The following RFTN1 variants were observed in gnomAD, a reference collection of about 807,000 sequenced individuals.
The protein encoded by RFTN1 is raftlin, lipid raft linker 1.
RFTN1 carries 26 observed loss-of-function variants against 46.5 expected under a neutral mutation model. That is an observed-to-expected ratio of 0.56 (90% CI 0.41 to 0.78). The LOEUF is 0.78. Ranked by LOEUF, RFTN1 falls within the 30% of genes least tolerant of loss-of-function variation. The pLI is 0.00. For missense variants in RFTN1, 693 were observed against 718.7 expected (o/e 0.96, Z 0.41); for synonymous variants, 261 against 284.2 (o/e 0.92, Z 0.82).
In RFTN1 at chr3:16,513,252, C is replaced by G. The variant is rs982986618; in HGVS notation, c.-9+190G>C. 6.6e-6 allele frequency: 1 copy of G among 152,608 alleles called. No homozygotes were observed. The highest frequency in any genetic ancestry group is 2.4e-5 in the African/African-American group (1 of 41,482). 9.5% of individuals were successfully genotyped at this position (152,608 alleles called of 1,614,324 possible). On this transcript the variant is annotated intron_variant, in intron 1 of 9. Coordinates refer to ENST00000334133, the MANE Select transcript of RFTN1 (RefSeq NM_015150.2). The surrounding 1 kb of genome is among the most constrained non-coding windows in gnomAD (Gnocchi z 5.4). ...AAGATCCAGGCGTCCCAAGGATCAG[C>G]CCAGGTCCCCATCCGACGCGGGCCA...
rs918991500 is a variant in RFTN1 at position 16,457,698 on chromosome 3, G to A, written c.146-23661C>T. On this transcript the variant is annotated intron_variant, in intron 2 of 9. Transcript: ENST00000334133. This position sits in a 1 kb window ranked among gnomAD's most constrained non-coding sequence, Gnocchi z 4.2. The stretch of plus-strand genomic sequence containing the variant: ...ACATTACTAATTTCACAGTGGAGCA[G>A]GGAATAAGTATACACACAACTATTA... Among the ~76,000 whole-genome samples the A allele has an allele frequency of 1.1e-4, 16 of 152,102 alleles. No individual in the cohort carries two copies. The highest frequency in any genetic ancestry group is 3.4e-4 in the African/African-American group (14 of 41,410).
rs61537442 is a variant in RFTN1, at chr3:16,317,770, GC to G, written c.1333-539del. 0.24 allele frequency among the ~76,000 whole-genome samples: 35,733 copies of G among 152,028 alleles called. 5,874 individuals carry two copies. Among genetic ancestry groups the G allele is most frequent in the African/African-American group, 0.47 (19,652 of 41,384 alleles). On this transcript the variant is annotated intron_variant, in intron 9 of 9. Transcript: ENST00000334133. This position sits in a 1 kb window ranked among gnomAD's most constrained non-coding sequence, Gnocchi z 4.3. ...ACTGGCGGGCCCGCTCCCCAGCTAGGCCGATAGCCCTTTGCTGACCACCACC... is the reference window on the plus strand; with the variant it reads ...ACTGGCGGGCCCGCTCCCCAGCTAGGCGATAGCCCTTTGCTGACCACCACC...
At chr3:16,399,974 C>T (rs544913833) in intron 4 of RFTN1, among the ~76,000 whole-genome samples, 1 of 152,302 alleles carries the variant, frequency 6.6e-6, no homozygotes, top group African/African-American at 2.4e-5. Flanking sequence ...TGAAGAGTTA[C>T]TCCAACAGGG....
In RFTN1 at chr3:16,452,704, C is replaced by T. The variant is rs2075840352; in HGVS notation, c.146-18667G>A. ...GAAGGAGTGGTCAGTGTTGCCAGGC[C>T]CTTCAGTAAGATGAGGAATGGAAGA... On this transcript the variant is annotated intron_variant, in intron 2 of 9. Transcript: ENST00000334133. This position sits in a 1 kb window ranked among gnomAD's most constrained non-coding sequence, Gnocchi z 6.3. 6.6e-6 allele frequency among the ~76,000 whole-genome samples: 1 copy of T among 152,084 alleles called. No homozygotes were observed. Among genetic ancestry groups the T allele is most frequent in the South Asian group, 2.1e-4 (1 of 4,804 alleles).
chr3:16,341,256 C>A lies in RFTN1; in HGVS notation c.1147-14380G>T, dbSNP rs1432726794. On this transcript the variant is annotated intron_variant, in intron 7 of 9. Transcript: ENST00000334133. The surrounding 1 kb of genome is among the most constrained non-coding windows in gnomAD (Gnocchi z 4.7). ...CAGAAGACAGTTTGGCAGTTTCTTA[C>A]AAAACTAGACATACTTTACAATATG... 6.6e-6 allele frequency among the ~76,000 whole-genome samples: 1 copy of A among 152,210 alleles called. No individual in the cohort carries two copies. Among genetic ancestry groups the A allele is most frequent in the Admixed American group, 6.5e-5 (1 of 15,282 alleles).
Position 16,466,822 on chromosome 3 carries a change from A to G in RFTN1, c.145+26903T>C, listed in dbSNP as rs1046933139. 2.0e-5 allele frequency among the ~76,000 whole-genome samples: 3 copies of G among 152,230 alleles called. No individual in the cohort carries two copies. Among genetic ancestry groups the G allele is most frequent in the African/African-American group, 7.2e-5 (3 of 41,460 alleles). On this transcript the variant is annotated intron_variant, in intron 2 of 9. Transcript: ENST00000334133. The surrounding 1 kb of genome is among the most constrained non-coding windows in gnomAD (Gnocchi z 5.6). ...GACACACATACGCTTCTCATAGCTG[A>G]AAACATGGAAGGCAGTCCATCTTTC... is the stretch of plus-strand genomic sequence containing the variant.
chr3:16,333,796 T>C (rs890566918), intron 7 of RFTN1, among the ~76,000 whole-genome samples: 2 of 152,024 alleles, frequency 1.3e-5, no homozygotes, highest in Non-Finnish European at 2.9e-5. Context: ...GCCAAAGATA[T>C]GAAGAGAGAT....
In RFTN1 at chr3:16,410,977, C is replaced by T. The variant is rs1048087062; in HGVS notation, c.333-1494G>A. Reference sequence around the variant, plus strand: ...ACAAGAGTGGTACTGCAGCTAAAGGCTGGCAGAACGTGCTGTCTCTTCTAG... The same window carrying T: ...ACAAGAGTGGTACTGCAGCTAAAGGTTGGCAGAACGTGCTGTCTCTTCTAG... On this transcript the variant is annotated intron_variant, in intron 3 of 9. Coordinates refer to ENST00000334133, the MANE Select transcript of RFTN1 (RefSeq NM_015150.2). This position sits in a 1 kb window ranked among gnomAD's most constrained non-coding sequence, Gnocchi z 4.6. Among the ~76,000 whole-genome samples the T allele has an allele frequency of 1.3e-5, 2 of 152,212 alleles. No homozygotes were observed. The highest frequency in any genetic ancestry group is 4.8e-5 in the African/African-American group (2 of 41,460).
At position 16,410,210 on chromosome 3, in the gene RFTN1, TATACAC is replaced by T. The variant is rs1283027727; in HGVS notation, c.333-733_333-728del. ...GTTTGGTACAATACAGCTTACATGTTATACACACACACACACACACACACACACACA... is the reference window on the plus strand; with the variant it reads ...GTTTGGTACAATACAGCTTACATGTTACACACACACACACACACACACACA... On this transcript the variant is annotated intron_variant, in intron 3 of 9. Coordinates refer to ENST00000334133, the MANE Select transcript of RFTN1 (RefSeq NM_015150.2). The surrounding 1 kb of genome is among the most constrained non-coding windows in gnomAD (Gnocchi z 4.6). Among the ~76,000 whole-genome samples the T allele has an allele frequency of 9.6e-5, 11 of 114,256 alleles. No homozygotes were observed. Among genetic ancestry groups the T allele is most frequent in the South Asian group, 6.3e-4 (2 of 3,166 alleles). 75.0% of individuals were successfully genotyped at this position (114,256 alleles called of 152,430 possible). A position where few individuals can be genotyped will look rare whatever the true frequency, so the allele number is the denominator to read the frequency against.
chr3:16,487,631 A>C (rs950053731), intron 2 of RFTN1, among the ~76,000 whole-genome samples: 19 of 152,204 alleles, frequency 1.2e-4, no homozygotes, highest in Admixed American at 5.2e-4. Context: ...GGACCATTCA[A>C]GGAAGGCCCA....
Position 16,341,538 on chromosome 3 carries a change from G to A in RFTN1, c.1147-14662C>T, listed in dbSNP as rs1015570678. Among the ~76,000 whole-genome samples, 2 of 152,110 alleles carry A rather than the reference G, an allele frequency of 1.3e-5. No individual in the cohort carries two copies. Among genetic ancestry groups the A allele is most frequent in the Admixed American group, 6.5e-5 (1 of 15,276 alleles). ...TATTACTAAGTGAAAGAAGCCAACT[G>A]GAAAAGGCTACATACTGTATGGGAA... On this transcript the variant is annotated intron_variant, in intron 7 of 9. Coordinates refer to ENST00000334133, the MANE Select transcript of RFTN1 (RefSeq NM_015150.2). This position sits in a 1 kb window ranked among gnomAD's most constrained non-coding sequence, Gnocchi z 4.7.
At position 16,345,817 on chromosome 3, in the gene RFTN1, T is replaced by TGTGTGTGTGTGTGTGTGTGC. The variant is rs1160939614; in HGVS notation, c.1146+12114_1146+12115insGCACACACACACACACACAC. On this transcript the variant is annotated intron_variant, in intron 7 of 9. Transcript: ENST00000334133. This position sits in a 1 kb window ranked among gnomAD's most constrained non-coding sequence, Gnocchi z 5.2. ...GTGTGTGTGTGTGTGTGTGTGTGTGTGCGCGCGCGCGTGCGCGCACGCGCA... is the reference window on the plus strand; with the variant it reads ...GTGTGTGTGTGTGTGTGTGTGTGTGTGTGTGTGTGTGTGTGTGTGCGCGCGCGCGCGTGCGCGCACGCGCA... Among the ~76,000 whole-genome samples, 9 of 74,610 alleles carry TGTGTGTGTGTGTGTGTGTGC rather than the reference T, an allele frequency of 1.2e-4. No homozygotes were observed. Among genetic ancestry groups the TGTGTGTGTGTGTGTGTGTGC allele is most frequent in the African/African-American group, 5.0e-4 (9 of 18,176 alleles). The allele number at this position is 74,610 out of a possible 152,430, so 48.9% of individuals were successfully genotyped here.
At chr3:16,411,803 G>A (rs1330970058) in intron 3 of RFTN1, among the ~76,000 whole-genome samples, 1 of 152,170 alleles carries the variant, frequency 6.6e-6, no homozygotes, top group East Asian at 1.9e-4. Flanking sequence ...CAGGCTATAT[G>A]AGGTTATTTA....
Position 16,460,834 on chromosome 3 carries a change from C to G in RFTN1, c.146-26797G>C, listed in dbSNP as rs542940043. 1.4e-3 allele frequency among the ~76,000 whole-genome samples: 219 copies of G among 152,326 alleles called. No homozygotes were observed. Among genetic ancestry groups the G allele is most frequent in the African/African-American group, 5.1e-3 (213 of 41,576 alleles). On this transcript the variant is annotated intron_variant, in intron 2 of 9. Transcript: ENST00000334133. This position sits in a 1 kb window ranked among gnomAD's most constrained non-coding sequence, Gnocchi z 4.8. ...TGTGGCCACCACAGCTGTGAAGTGG[C>G]CCACTCTCTCCCACCTACCCACCCC...
intron 7 of RFTN1, among the ~76,000 whole-genome samples, chr3:16,328,482 G>A (rs2069959280): frequency 6.6e-6 from 1 of 152,232 alleles, no homozygotes; most frequent in African/African-American, 2.4e-5. Context: ...GGCTTTTAAA[G>A]CTTCTATAAC....
Position 16,381,553 on chromosome 3 carries a change from A to T in RFTN1, c.442-3451T>A, listed in dbSNP as rs971955757. The stretch of plus-strand genomic sequence containing the variant: ...CCTCACCTTAAAGCATTCAAATCCA[A>T]TTTTTTTTTTCCAAAATGCCATGCT... On this transcript the variant is annotated intron_variant, in intron 4 of 9. Transcript: ENST00000334133. This position sits in a 1 kb window ranked among gnomAD's most constrained non-coding sequence, Gnocchi z 4.2. Among the ~76,000 whole-genome samples, 4 of 150,522 alleles carry T rather than the reference A, an allele frequency of 2.7e-5. No individual in the cohort carries two copies. Among genetic ancestry groups the T allele is most frequent in the Non-Finnish European group, 4.4e-5 (3 of 67,570 alleles).
Position 16,425,093 on chromosome 3 carries a change from A to G in RFTN1, c.332+8758T>C, listed in dbSNP as rs1054733138. ...TTCCTATATTTAATATGAGACAGACATATAAATAGAAAACTCCAACGCTTT... is the reference window on the plus strand; with the variant it reads ...TTCCTATATTTAATATGAGACAGACGTATAAATAGAAAACTCCAACGCTTT... On this transcript the variant is annotated intron_variant, in intron 3 of 9. Transcript: ENST00000334133. The surrounding 1 kb of genome is among the most constrained non-coding windows in gnomAD (Gnocchi z 4.3). 1.3e-5 allele frequency among the ~76,000 whole-genome samples: 2 copies of G among 152,264 alleles called. No homozygotes were observed. The highest frequency in any genetic ancestry group is 2.4e-5 in the African/African-American group (1 of 41,474).
chr3:16,423,817 C>T (rs1018286887), intron 3 of RFTN1, among the ~76,000 whole-genome samples: 7 of 152,172 alleles, frequency 4.6e-5, no homozygotes, highest in South Asian at 4.1e-4. Context: ...AAATTCCCCA[C>T]GAACAGGAAT....
chr3:16,357,670 G>A (rs560032), intron 7 of RFTN1, among the ~76,000 whole-genome samples: 103,706 of 152,024 alleles, frequency 0.68, 35,486 homozygotes, highest in Non-Finnish European at 0.71. Flanking sequence ...CAAATTAATG[G>A]AAGACAACTC....
Sources: allele counts gnomAD v4.1 joint callset (sites outside exome capture counted in the v4.1 genomes callset), GRCh38; gene constraint gnomAD v4.1.1; non-coding constraint Gnocchi (gnomAD v3.1); transcripts MANE v1.5; gene names NCBI Gene and HGNC (gene_info 2026-07-23, HGNC 2026-07-21).